Variants in TBX5 observed in about 807,000 individuals in gnomAD.
TBX5 encodes the protein T-box transcription factor 5, also known as T-box transcription factor TBX5.
In TBX5, 8 loss-of-function variants were observed where a neutral mutation model predicts 51.1. The observed-to-expected ratio is 0.16, with a 90% CI of 0.09 to 0.28. The LOEUF (loss-of-function observed/expected upper bound fraction) is 0.28. Among genes scored for constraint, TBX5 ranks in the 10% least tolerant of loss-of-function variants. The pLI is 1.00. For missense variants in TBX5, 589 were observed against 671.7 expected (o/e 0.88, Z 1.36); for synonymous variants, 302 against 266.4 (o/e 1.13, Z -1.30).
intron 7 of TBX5, among the ~76,000 whole-genome samples, chr12:114,377,825 G>A (rs1369498149): frequency 6.6e-6 from 1 of 152,056 alleles, no homozygotes; most frequent in Non-Finnish European, 1.5e-5. Context: ...TACCCTACAG[G>A]AACAAGGTAG....
chr12:114,398,836 T>C, intron 4 of TBX5, 116 bp from the exon 5 acceptor site: 2 of 1,281,872 alleles, frequency 1.6e-6, no homozygotes, highest in Non-Finnish European at 2.2e-6. Flanking sequence ...TAGCTGGGAA[T>C]AATCTGGAGG....
intron 7 of TBX5, among the ~76,000 whole-genome samples, chr12:114,370,274 A>AAAAGAAAAC (rs1565929361): frequency 1.4e-5 from 1 of 69,420 alleles, no homozygotes; most frequent in Non-Finnish European, 4.0e-5. Flanking sequence ...AAAAGAAAAG[A>AAAAGAAAAC]AAAGAAAAGA....
rs56105735 is a variant in TBX5, at chr12:114,370,288, G to GAAAAGAAAAC, written c.756-3898_756-3897insGTTTTCTTTT. On this transcript the variant is annotated intron_variant, in intron 7 of 8. Coordinates refer to ENST00000405440, the MANE Select transcript of TBX5 (RefSeq NM_181486.4). ...GAAAAGAAAAGAAAAGAAAAGAAAA[G>GAAAAGAAAAC]AAAGAAAAGAAAAGAAAAGAAAAGA... 3.3e-3 allele frequency among the ~76,000 whole-genome samples: 186 copies of GAAAAGAAAAC among 56,742 alleles called. 2 individuals carry two copies. Among genetic ancestry groups the GAAAAGAAAAC allele is most frequent in the African/African-American group, 8.9e-3 (164 of 18,410 alleles). 37.2% of individuals were successfully genotyped at this position (56,742 alleles called of 152,430 possible).
rs1246658806 is a variant in TBX5, at chr12:114,398,737, T to G, written c.363-17A>C. 1 of 1,591,886 alleles carries G rather than the reference T, an allele frequency of 6.3e-7. No homozygotes were observed. ...GTCACAGACCTAGATGAAGGAGAGG[T>G]GTACTAGAGGCCTGGCTCAGAGTCT... On this transcript the variant is annotated splice_polypyrimidine_tract_variant and intron_variant, in intron 4 of 8. Transcript: ENST00000405440.
In TBX5 at chr12:114,355,847, G is replaced by A. The variant is rs370133092; in HGVS notation, c.1242C>T (p.Thr414=). 33 of 1,613,906 alleles carry A rather than the reference G, an allele frequency of 2.0e-5. No homozygotes were observed. The highest frequency in any genetic ancestry group is 1.6e-4 in the Middle Eastern group (1 of 6,062). ...AGGGTAGCCTGTCCATGGGCTGCAC[G>A]GTGGTGACGGTGCAGCTGCTGTAGG... ...MPSYSSCTVT[T]VQPMDRLPYQ... is the part of the protein sequence containing the mutation. The change falls in exon 9 of 9, where the codon ACC becomes ACT. Residue 414 remains threonine (T), a synonymous_variant. Coordinates refer to ENST00000405440, the MANE Select transcript of TBX5 (RefSeq NM_181486.4).
At chr12:114,357,452 G>T (rs1041037284) in intron 8 of TBX5, among the ~76,000 whole-genome samples, 1 of 152,180 alleles carries the variant, frequency 6.6e-6, no homozygotes, top group African/African-American at 2.4e-5. Context: ...TTTGAATCAG[G>T]CTCCTTTACT....
chr12:114,388,038 G>C (rs896224680), intron 6 of TBX5, among the ~76,000 whole-genome samples: 1 of 152,098 alleles, frequency 6.6e-6, no homozygotes, highest in Non-Finnish European at 1.5e-5. Flanking sequence ...CAGTTCAGAT[G>C]AGGTTTTGCC....
At chr12:114,378,302 T>G (rs1593859520) in intron 7 of TBX5, among the ~76,000 whole-genome samples, 1 of 151,726 alleles carries the variant, frequency 6.6e-6, no homozygotes, top group Non-Finnish European at 1.5e-5. Context: ...TATTCTGGGG[T>G]TTATGGTTAC....
At chr12:114,372,505 C>A (rs1869967186) in intron 7 of TBX5, among the ~76,000 whole-genome samples, 1 of 150,498 alleles carries the variant, frequency 6.6e-6, no homozygotes, top group African/African-American at 2.5e-5. Context: ...GAGATGGGGT[C>A]TTGCTATATT....
intron 5 of TBX5, among the ~76,000 whole-genome samples, chr12:114,398,140 G>T (rs1358631224): frequency 2.0e-5 from 3 of 152,194 alleles, no homozygotes; most frequent in Non-Finnish European, 4.4e-5. Flanking sequence ...GAGAGGGTTT[G>T]GGCCCTAACG....
intron 7 of TBX5, among the ~76,000 whole-genome samples, chr12:114,369,183 T>A (rs918514320): frequency 1.3e-5 from 2 of 152,206 alleles, no homozygotes; most frequent in African/African-American, 4.8e-5. Context: ...GAACAGTTTT[T>A]CTTTTTAATT....
chr12:114,376,123 T>A (rs1373629249), intron 7 of TBX5, among the ~76,000 whole-genome samples: 1 of 152,096 alleles, frequency 6.6e-6, no homozygotes, highest in African/African-American at 2.4e-5. Context: ...CTCTTCTAGA[T>A]ATACACCCAA....
chr12:114,405,678 G>C lies in TBX5; in HGVS notation c.-89C>G, dbSNP rs1872170268. 5.1e-6 allele frequency: 5 copies of C among 984,732 alleles called. No individual in the cohort carries two copies. The South Asian group carries it at 1.9e-4, about 37-fold the overall frequency. The allele number at this position is 984,732 out of a possible 1,614,324, so 61.0% of individuals were successfully genotyped here. On this transcript the variant is annotated 5_prime_UTR_variant, in exon 1 of 9. Transcript: ENST00000405440. ...ACCACATCCTCTGCTGCTCCTAGCA[G>C]GGAAGCCGGCGGTGAGGCGGGGGAG...
chr12:114,397,786 A>T (rs536148075), intron 5 of TBX5, among the ~76,000 whole-genome samples: 1 of 152,148 alleles, frequency 6.6e-6, no homozygotes, highest in East Asian at 1.9e-4. Context: ...TGGAAAAAAA[A>T]CAGATCTCCC....
intron 7 of TBX5, among the ~76,000 whole-genome samples, chr12:114,380,536 C>T (rs1162846639): frequency 6.6e-6 from 1 of 152,182 alleles, no homozygotes; most frequent in Non-Finnish European, 1.5e-5. Context: ...TCTATGAAAT[C>T]ACAGGACTGA....
chr12:114,397,818 T>A (rs1411780142), intron 5 of TBX5, among the ~76,000 whole-genome samples: 1 of 152,166 alleles, frequency 6.6e-6, no homozygotes, highest in Non-Finnish European at 1.5e-5. Flanking sequence ...AGCTAAAAAG[T>A]GGCACTGGCA....
At position 114,355,982 on chromosome 12, in the gene TBX5, C is replaced by T. The variant is rs1390674646; in HGVS notation, c.1107G>A (p.Arg369=). The T allele has an allele frequency of 3.7e-6, 6 of 1,613,982 alleles. No individual in the cohort carries two copies. Among genetic ancestry groups the T allele is most frequent in the African/African-American group, 1.3e-5 (1 of 74,920 alleles). ...AAGCTTGCCGCTGTGCCGACTCTGT[C>T]CTGTAGGAGGCACCCAGGCCCTGCT... ...PQQQGLGASY[R]TESAQRQACM... is the part of the protein sequence containing the mutation. The change falls in exon 9 of 9, where the codon AGG becomes AGA. Residue 369 remains arginine, a synonymous_variant. Coordinates refer to ENST00000405440, the MANE Select transcript of TBX5 (RefSeq NM_181486.4).
chr12:114,389,472 A>T (rs1290435994), intron 6 of TBX5, among the ~76,000 whole-genome samples: 1 of 151,648 alleles, frequency 6.6e-6, no homozygotes, highest in Non-Finnish European at 1.5e-5. Context: ...AAGTGGATGA[A>T]GGCCGGGCGC....
intron 6 of TBX5, among the ~76,000 whole-genome samples, chr12:114,394,404 C>A (rs1039057525): frequency 3.9e-5 from 6 of 152,152 alleles, no homozygotes; most frequent in Non-Finnish European, 7.3e-5. Flanking sequence ...AGCACCAGAG[C>A]CATTAAGCAA....
Sources: allele counts gnomAD v4.1 joint callset (sites outside exome capture counted in the v4.1 genomes callset), GRCh38; gene constraint gnomAD v4.1.1; transcripts MANE v1.5; gene names NCBI Gene and HGNC (gene_info 2026-07-23, HGNC 2026-07-21).